The following NEK7 variants were observed in gnomAD, a reference collection of about 807,000 sequenced individuals.
The protein encoded by NEK7 is serine/threonine-protein kinase Nek7.
NEK7 carries 18 observed loss-of-function variants against 44.6 expected under a neutral mutation model. The ratio of observed to expected loss-of-function variants is 0.40; its 90% CI spans 0.28 to 0.60. The LOEUF (loss-of-function observed/expected upper bound fraction) is 0.60, where lower values mean the gene tolerates loss of function less well. Among genes scored for constraint, NEK7 ranks in the 20% least tolerant of loss-of-function variants. The pLI is 0.38. For missense variants in NEK7, 256 were observed against 366.5 expected (o/e 0.70, Z 2.46); for synonymous variants, 130 against 121.1 (o/e 1.07, Z -0.48).
chr1:198,253,831 G>A (rs926727431), intron 3 of NEK7, among the ~76,000 whole-genome samples: 1 of 152,120 alleles, frequency 6.6e-6, no homozygotes, highest in African/African-American at 2.4e-5. Context: ...ACCCTGGAAT[G>A]CTCACTTGCC....
intron 8 of NEK7, among the ~76,000 whole-genome samples, chr1:198,296,508 C>T (rs1654719136): frequency 6.6e-6 from 1 of 152,150 alleles, no homozygotes; most frequent in African/African-American, 2.4e-5. Flanking sequence ...CCTTGAATTA[C>T]AGCTATGACT....
chr1:198,245,919 T>A lies in NEK7; in HGVS notation c.58-7121T>A, dbSNP rs1210777589. On this transcript the variant is annotated intron_variant, in intron 2 of 9. Coordinates refer to ENST00000367385, the MANE Select transcript of NEK7 (RefSeq NM_133494.3). ...TTTATATTTCATATTGATTTGAATC[T>A]CAGTATTTTGCTGAGTTATTTTATT... is the stretch of plus-strand genomic sequence containing the variant. Among the ~76,000 whole-genome samples, 3 of 152,320 alleles carry A rather than the reference T, an allele frequency of 2.0e-5. No individual in the cohort carries two copies. In the East Asian group the frequency reaches 5.8e-4, roughly 29 times the overall value.
intron 1 of NEK7, among the ~76,000 whole-genome samples, chr1:198,226,231 A>G (rs914072617): frequency 2.6e-5 from 4 of 152,172 alleles, no homozygotes; most frequent in African/African-American, 9.7e-5. Flanking sequence ...AAACACTGAC[A>G]TATTCTATAA....
intron 6 of NEK7, 44 bp downstream of exon 6, chr1:198,278,113 T>A (rs765034929): frequency 6.7e-6 from 7 of 1,045,354 alleles, no homozygotes; most frequent in Non-Finnish European, 1.0e-5. Context: ...TTTTAAATGA[T>A]GTAAGTTCTT....
chr1:198,232,364 GAC>G (rs1266375741), intron 1 of NEK7, among the ~76,000 whole-genome samples, 187 bp from the exon 2 acceptor site: 2 of 152,170 alleles, frequency 1.3e-5, no homozygotes, highest in Non-Finnish European at 2.9e-5. Flanking sequence ...AAATGGTTGA[GAC>G]AGTGAATATT....
At chr1:198,205,761 C>A (rs1665578166) in intron 1 of NEK7, among the ~76,000 whole-genome samples, 1 of 151,100 alleles carries the variant, frequency 6.6e-6, no homozygotes, top group Admixed American at 6.6e-5. Flanking sequence ...GAGTCTATTT[C>A]TTATTAGGTT....
At chr1:198,309,360 G>T (rs1339268579) in intron 9 of NEK7, among the ~76,000 whole-genome samples, 1 of 151,992 alleles carries the variant, frequency 6.6e-6, no homozygotes, top group Non-Finnish European at 1.5e-5. Context: ...GGAGTTTGGG[G>T]CTAAATAGGA....
chr1:198,252,099 A>G (rs1450246600), intron 2 of NEK7, among the ~76,000 whole-genome samples: 1 of 152,024 alleles, frequency 6.6e-6, no homozygotes, highest in Non-Finnish European at 1.5e-5. Context: ...GGTTTCAAAG[A>G]ACATCTTTAT....
At chr1:198,177,310 C>T (rs1664631235) in intron 1 of NEK7, among the ~76,000 whole-genome samples, 1 of 152,102 alleles carries the variant, frequency 6.6e-6, no homozygotes, top group Non-Finnish European at 1.5e-5. Context: ...TCAAAGTGTT[C>T]TCTTCAGTAT....
intron 1 of NEK7, among the ~76,000 whole-genome samples, chr1:198,163,254 A>T (rs1043971858): frequency 3.3e-5 from 5 of 152,146 alleles, no homozygotes; most frequent in African/African-American, 9.7e-5. Context: ...GCACTTTGGG[A>T]GGCCAAGGTG....
intron 2 of NEK7, among the ~76,000 whole-genome samples, chr1:198,240,636 A>T (rs981000613): frequency 1.4e-5 from 2 of 142,228 alleles, no homozygotes; most frequent in Non-Finnish European, 3.0e-5. Flanking sequence ...TAAAGTACAT[A>T]GTCTTGGTAT....
At chr1:198,287,553 C>T (rs1265115811) in intron 7 of NEK7, among the ~76,000 whole-genome samples, 2 of 151,848 alleles carry the variant, frequency 1.3e-5, no homozygotes, top group Non-Finnish European at 2.9e-5. Context: ...TTTATAGGTA[C>T]TTTATTGCAT....
chr1:198,278,921 C>A, intron 6 of NEK7, 33 bp from the exon 7 acceptor site: 3 of 1,136,070 alleles, frequency 2.6e-6, no homozygotes, highest in Admixed American at 2.1e-5. Flanking sequence ...AAATGTCTAT[C>A]ATCTTTTACC....
chr1:198,163,195 A>G (rs1159996697), intron 1 of NEK7, among the ~76,000 whole-genome samples: 1 of 152,136 alleles, frequency 6.6e-6, no homozygotes, highest in Non-Finnish European at 1.5e-5. Flanking sequence ...GCTGGACCAT[A>G]TAGTAAAGTG....
At chr1:198,200,065 A>G (rs1201853649) in intron 1 of NEK7, among the ~76,000 whole-genome samples, 2 of 152,070 alleles carry the variant, frequency 1.3e-5, no homozygotes, top group African/African-American at 2.4e-5. Flanking sequence ...CTCTTTGTGC[A>G]TTCATTCATT....
intron 1 of NEK7, among the ~76,000 whole-genome samples, chr1:198,231,807 G>A (rs1666405158): frequency 6.6e-6 from 1 of 151,954 alleles, no homozygotes. Flanking sequence ...TGTTTTAGTT[G>A]TTCCATCAGT....
intron 2 of NEK7, among the ~76,000 whole-genome samples, chr1:198,234,331 A>G (rs2102878066): frequency 6.6e-6 from 1 of 152,176 alleles, no homozygotes; most frequent in South Asian, 2.1e-4. Context: ...GTCCCCATAT[A>G]TATTTATGTT....
chr1:198,213,766 C>T (rs1478684935), intron 1 of NEK7, among the ~76,000 whole-genome samples: 2 of 152,134 alleles, frequency 1.3e-5, no homozygotes, highest in Admixed American at 6.5e-5. Context: ...TTTCACTGAG[C>T]ACTTCCCCAG....
chr1:198,195,415 T>C (rs1000654446), intron 1 of NEK7, among the ~76,000 whole-genome samples: 5 of 152,202 alleles, frequency 3.3e-5, no homozygotes, highest in African/African-American at 1.2e-4. Flanking sequence ...TTCTAGAGGA[T>C]TCTAGAAAAT....
Sources: allele counts gnomAD v4.1 joint callset (sites outside exome capture counted in the v4.1 genomes callset), GRCh38; gene constraint gnomAD v4.1.1; transcripts MANE v1.5; gene names NCBI Gene and HGNC (gene_info 2026-07-23, HGNC 2026-07-21).